The following TIAM1 variants were observed in gnomAD, a reference collection of about 807,000 sequenced individuals.
TIAM1 encodes the protein TIAM Rac1 associated GEF 1.
In TIAM1, 65 loss-of-function variants were observed where a neutral mutation model predicts 163.5. That is an observed-to-expected ratio of 0.40 (90% CI 0.33 to 0.49). The LOEUF is 0.49. Ranked by LOEUF, TIAM1 falls within the 20% of genes least tolerant of loss-of-function variation. The pLI is 0.77. For missense variants in TIAM1, 1,789 were observed against 2,044.7 expected, an observed-to-expected ratio of 0.87 and a Z score of 2.41; for synonymous variants, 833 against 810.1, an observed-to-expected ratio of 1.03 and a Z score of -0.48.
intron 2 of TIAM1, among the ~76,000 whole-genome samples, chr21:31,382,979 C>A (rs2076803820): frequency 6.6e-6 from 1 of 152,202 alleles, no homozygotes; most frequent in African/African-American, 2.4e-5. Flanking sequence ...GTGGCTCACA[C>A]CTGTAACCCC....
In TIAM1 at chr21:31,464,774, C is replaced by T. The variant is rs1007474855; in HGVS notation, c.-421-739G>A. Among the ~76,000 whole-genome samples, 6 of 145,332 alleles carry T rather than the reference C, an allele frequency of 4.1e-5. 1 individual carries two copies. The highest frequency in any genetic ancestry group is 4.5e-4 in the South Asian group (2 of 4,468). On this transcript the variant is annotated intron_variant, in intron 1 of 28. Coordinates refer to the TIAM1 transcript ENST00000286827. ...AGGAGACTCCCTTGAACTCGGGAGG[C>T]GGAGATTGCAGTGAGCCAAGATCGA...
chr21:31,141,546 C>A lies in TIAM1; in HGVS notation c.3476-42G>T, dbSNP rs746445045. 2.0e-5 allele frequency: 32 copies of A among 1,594,264 alleles called. No homozygotes were observed. In the South Asian group the frequency reaches 3.4e-4, roughly 17 times the overall value. On this transcript the variant is annotated intron_variant, in intron 20 of 27. Transcript: ENST00000541036. This position sits in a 1 kb window ranked among gnomAD's most constrained non-coding sequence, Gnocchi z 4.7. ...ACAGGTCATGGGGGTGGAACGCCCA[C>A]GTGACTCCCTTCCCACAATTTCCCT...
intron 2 of TIAM1, among the ~76,000 whole-genome samples, chr21:31,331,656 C>T (rs558164009): frequency 7.9e-5 from 12 of 152,314 alleles, no homozygotes; most frequent in Middle Eastern, 3.4e-3. Flanking sequence ...TGAGGGCTGA[C>T]ATTCTGCAGA....
At chr21:31,540,325 C>T (rs755283429) in intron 1 of TIAM1, among the ~76,000 whole-genome samples, 2 of 147,420 alleles carry the variant, frequency 1.4e-5, no homozygotes, top group African/African-American at 2.5e-5. Flanking sequence ...AAGGAGGTTG[C>T]AGTGAGCCAA....
rs992202171 is a variant in TIAM1 at position 31,395,525 on chromosome 21, G to A, written c.-368-56103C>T. Among the ~76,000 whole-genome samples, 6 of 152,200 alleles carry A rather than the reference G, an allele frequency of 3.9e-5. No homozygotes were observed. Among genetic ancestry groups the A allele is most frequent in the African/African-American group, 9.7e-5 (4 of 41,450 alleles). On this transcript the variant is annotated intron_variant, in intron 2 of 28. Transcript: ENST00000286827. The surrounding 1 kb of genome is among the most constrained non-coding windows in gnomAD (Gnocchi z 7.5). Reference sequence around the variant, plus strand: ...CAATCACCAGATACGCCACAGAGGCGAAGAGAAGGGCCAACCCTGCATTTT... The same window carrying A: ...CAATCACCAGATACGCCACAGAGGCAAAGAGAAGGGCCAACCCTGCATTTT...
At chr21:31,350,459 T>C (rs2076216394) in intron 2 of TIAM1, among the ~76,000 whole-genome samples, 1 of 152,116 alleles carries the variant, frequency 6.6e-6, no homozygotes, top group African/African-American at 2.4e-5. Flanking sequence ...ATTGTAATTT[T>C]TGGTGTTGCA....
intron 2 of TIAM1, among the ~76,000 whole-genome samples, chr21:31,336,488 CTTT>C (rs34052300): frequency 0.06 from 7,552 of 125,404 alleles, 618 homozygotes; most frequent in African/African-American, 0.2. Flanking sequence ...TTGCCCCTTG[CTTT>C]TTTTTTTTTT....
chr21:31,485,376 T>C (rs1384661300), intron 1 of TIAM1, among the ~76,000 whole-genome samples: 1 of 152,134 alleles, frequency 6.6e-6, no homozygotes, highest in Non-Finnish European at 1.5e-5. Context: ...GTGGCACTAC[T>C]GGGTGGACAA....
intron 1 of TIAM1, among the ~76,000 whole-genome samples, chr21:31,543,846 T>C (rs894970215): frequency 2.6e-5 from 4 of 152,324 alleles, no homozygotes; most frequent in African/African-American, 9.6e-5. Context: ...GTATCAGAGC[T>C]AAGCTTTCAG....
At chr21:31,552,233 T>C (rs2048717218) in intron 1 of TIAM1, among the ~76,000 whole-genome samples, 1 of 151,970 alleles carries the variant, frequency 6.6e-6, no homozygotes, top group African/African-American at 2.4e-5. Context: ...AATTTTTGTA[T>C]TTTTAGTAGA....
At chr21:31,219,753 A>AC (rs199947012) in intron 8 of TIAM1, among the ~76,000 whole-genome samples, 11,883 of 152,088 alleles carry the variant, frequency 0.078, 1,536 homozygotes, top group African/African-American at 0.27. Context: ...ACAAAACAAA[A>AC]AAAAACCCCA....
chr21:31,409,599 T>A (rs1371602208), intron 2 of TIAM1, among the ~76,000 whole-genome samples: 1 of 152,128 alleles, frequency 6.6e-6, no homozygotes, highest in Non-Finnish European at 1.5e-5. Context: ...CACACCAGCA[T>A]CACCACCCCT....
At chr21:31,554,296 A>G (rs1330789567) in intron 1 of TIAM1, among the ~76,000 whole-genome samples, 1 of 152,182 alleles carries the variant, frequency 6.6e-6, no homozygotes, top group Non-Finnish European at 1.5e-5. Flanking sequence ...GCACAACTGC[A>G]TTAGAGTCCT....
At chr21:31,383,454 T>G (rs1042040879) in intron 2 of TIAM1, among the ~76,000 whole-genome samples, 1 of 152,126 alleles carries the variant, frequency 6.6e-6, no homozygotes, top group African/African-American at 2.4e-5. Flanking sequence ...AACTCAAAAG[T>G]TGGTAGGATG....
chr21:31,517,819 G>A (rs1172864958), intron 1 of TIAM1, among the ~76,000 whole-genome samples: 11 of 152,232 alleles, frequency 7.2e-5, no homozygotes, highest in African/African-American at 7.2e-5. Context: ...ATGGCGAGTC[G>A]AGGCCAAGAG....
chr21:31,554,803 A>G (rs1308230866), intron 1 of TIAM1, among the ~76,000 whole-genome samples: 1 of 152,074 alleles, frequency 6.6e-6, no homozygotes, highest in Non-Finnish European at 1.5e-5. Context: ...GCCTCAGCCC[A>G]GAGGGAGAAG....
intron 1 of TIAM1, among the ~76,000 whole-genome samples, chr21:31,556,639 C>T (rs1030711850): frequency 6.6e-6 from 1 of 151,630 alleles, no homozygotes; most frequent in Non-Finnish European, 1.5e-5. Context: ...AAACTGATTT[C>T]TCTTTTTGCC....
intron 2 of TIAM1, among the ~76,000 whole-genome samples, chr21:31,418,801 C>T (rs1440504319): frequency 1.3e-5 from 2 of 152,168 alleles, no homozygotes; most frequent in African/African-American, 2.4e-5. Context: ...GGACTTTGCA[C>T]AGAATCAGCT....
chr21:31,176,476 A>G (rs2084770333), intron 15 of TIAM1, among the ~76,000 whole-genome samples: 1 of 152,126 alleles, frequency 6.6e-6, no homozygotes, highest in African/African-American at 2.4e-5. Context: ...ACCAGAACTC[A>G]GGGATGGCAA....
Sources: allele counts gnomAD v4.1 joint callset (sites outside exome capture counted in the v4.1 genomes callset), GRCh38; gene constraint gnomAD v4.1.1; non-coding constraint Gnocchi (gnomAD v3.1); transcripts MANE v1.5; gene names NCBI Gene and HGNC (gene_info 2026-07-23, HGNC 2026-07-21).